The following CHCHD6 variants were observed in gnomAD, a reference collection of about 807,000 sequenced individuals.
CHCHD6 encodes the protein coiled-coil-helix-coiled-coil-helix domain containing 6, also known as MICOS complex subunit MIC25.
CHCHD6 carries 28 observed loss-of-function variants against 32.3 expected under a neutral mutation model. The observed-to-expected ratio is 0.87, with a 90% CI of 0.64 to 1.19. CHCHD6 has a LOEUF of 1.19. Among genes scored for constraint, CHCHD6 ranks in the 50% most tolerant of loss-of-function variants. The pLI, the probability that CHCHD6 is intolerant of heterozygous loss-of-function variation, is 0.00. For missense variants in CHCHD6, 333 were observed against 307.0 expected (o/e 1.08, Z -0.63); for synonymous variants, 122 against 117.5 (o/e 1.04, Z -0.25).
intron 4 of CHCHD6, among the ~76,000 whole-genome samples, chr3:126,785,298 G>C (rs4679293): frequency 6.6e-6 from 1 of 152,012 alleles, no homozygotes; most frequent in Admixed American, 6.6e-5. Context: ...CATATCTCCC[G>C]TGGGCAGCAA....
intron 6 of CHCHD6, among the ~76,000 whole-genome samples, chr3:126,955,054 C>T (rs1341266125): frequency 1.3e-5 from 2 of 152,234 alleles, no homozygotes; most frequent in South Asian, 2.1e-4. Flanking sequence ...ACACTCAGAA[C>T]CAAAGCTGTA....
intron 6 of CHCHD6, among the ~76,000 whole-genome samples, chr3:126,916,275 C>T (rs7644035): frequency 0.57 from 86,886 of 151,592 alleles, 26,205 homozygotes; most frequent in Non-Finnish European, 0.67. Context: ...GTGGCACATG[C>T]CTGTAATCCC....
At chr3:126,928,682 C>T (rs543836640) in intron 6 of CHCHD6, among the ~76,000 whole-genome samples, 3 of 152,318 alleles carry the variant, frequency 2.0e-5, no homozygotes, top group East Asian at 1.9e-4. Context: ...CCCTGGGAAG[C>T]GGAGGCTCTC....
chr3:126,767,881 G>C (rs986276780), intron 4 of CHCHD6, among the ~76,000 whole-genome samples: 3 of 152,114 alleles, frequency 2.0e-5, no homozygotes, highest in Non-Finnish European at 4.4e-5. Context: ...GTTTGCTTAG[G>C]ATAATGGCCT....
At chr3:126,770,418 G>A (rs1418376102) in intron 4 of CHCHD6, among the ~76,000 whole-genome samples, 1 of 152,180 alleles carries the variant, frequency 6.6e-6, no homozygotes, top group African/African-American at 2.4e-5. Flanking sequence ...AGTTTTCAAG[G>A]GGAATGCTTC....
chr3:126,814,337 G>A (rs1447722451), intron 4 of CHCHD6, among the ~76,000 whole-genome samples: 1 of 152,184 alleles, frequency 6.6e-6, no homozygotes, highest in Non-Finnish European at 1.5e-5. Context: ...TTTGGTCTTT[G>A]TCCTCCTTTT....
At chr3:126,732,730 C>T (rs545742282) in intron 3 of CHCHD6, among the ~76,000 whole-genome samples, 1 of 152,350 alleles carries the variant, frequency 6.6e-6, no homozygotes, top group African/African-American at 2.4e-5. Context: ...ACTACCATCT[C>T]AAATCTTCAA....
rs944403271 is a variant in CHCHD6, at chr3:126,803,704, C to G, written c.412-48943C>G. Among the ~76,000 whole-genome samples, 6 of 151,644 alleles carry G rather than the reference C, an allele frequency of 4.0e-5. No individual in the cohort carries two copies. The East Asian group carries it at 1.2e-3, about 29-fold the overall frequency. On this transcript the variant is annotated intron_variant, in intron 4 of 7. Transcript: ENST00000290913. ...ACCCAGGAATTGAACTTGGCTCTGC[C>G]AAGCAGACCTAATAGACATCTACAG...
At chr3:126,798,664 C>T (rs942643221) in intron 4 of CHCHD6, among the ~76,000 whole-genome samples, 4 of 152,144 alleles carry the variant, frequency 2.6e-5, no homozygotes, top group African/African-American at 4.8e-5. Context: ...CTCAAAGCAG[C>T]GGCTGGGCTG....
At chr3:126,898,704 A>G (rs1398809683) in intron 5 of CHCHD6, among the ~76,000 whole-genome samples, 2 of 151,986 alleles carry the variant, frequency 1.3e-5, no homozygotes, top group African/African-American at 2.4e-5. Flanking sequence ...ACGCCCAGCT[A>G]ATTTTTGTAT....
chr3:126,781,892 G>A (rs28408141), intron 4 of CHCHD6, among the ~76,000 whole-genome samples: 2,143 of 152,280 alleles, frequency 0.014, 35 homozygotes, highest in Non-Finnish European at 0.016. Context: ...GGAAGCCCTT[G>A]TCTTTGCCAG....
intron 5 of CHCHD6, among the ~76,000 whole-genome samples, chr3:126,867,672 A>G (rs1404771001): frequency 6.6e-6 from 1 of 152,154 alleles, no homozygotes; most frequent in Non-Finnish European, 1.5e-5. Flanking sequence ...ATGCTGAGAA[A>G]GGCAATCTGA....
rs980798284 is a variant in CHCHD6, at chr3:126,943,744, C to T, written c.567-13672C>T. 4.6e-5 allele frequency among the ~76,000 whole-genome samples: 7 copies of T among 152,154 alleles called. No individual in the cohort carries two copies. The South Asian group carries it at 6.2e-4, about 14-fold the overall frequency. On this transcript the variant is annotated intron_variant, in intron 6 of 7. Coordinates refer to ENST00000290913, the MANE Select transcript of CHCHD6 (RefSeq NM_032343.3). Reference sequence around the variant, plus strand: ...TCTTTGCAATACTTAGGGTTTACCACGGTGTTCTGTGCAGCTCCAGTTTCT... The same window carrying T: ...TCTTTGCAATACTTAGGGTTTACCATGGTGTTCTGTGCAGCTCCAGTTTCT...
At chr3:126,862,262 T>C (rs936297784) in intron 5 of CHCHD6, among the ~76,000 whole-genome samples, 112 of 53,066 alleles carry the variant, frequency 2.1e-3, no homozygotes, top group Non-Finnish European at 2.2e-3. Context: ...TCCTCCTCCA[T>C]CACCTCCTCC....
At chr3:126,746,751 G>T (rs1936520804) in intron 4 of CHCHD6, among the ~76,000 whole-genome samples, 1 of 152,216 alleles carries the variant, frequency 6.6e-6, no homozygotes, top group Non-Finnish European at 1.5e-5. Context: ...TTCCAAAGAG[G>T]TTTTTGATGA....
At chr3:126,822,979 C>T (rs1321784958) in intron 4 of CHCHD6, among the ~76,000 whole-genome samples, 3 of 152,060 alleles carry the variant, frequency 2.0e-5, no homozygotes, top group Non-Finnish European at 2.9e-5. Flanking sequence ...GACTGTGGCT[C>T]ACTGCAGCCT....
intron 1 of CHCHD6, 134 bp from the exon 2 acceptor site, chr3:126,726,944 A>G: frequency 1.5e-6 from 1 of 650,612 alleles, no homozygotes. Context: ...GAGTTTTAGT[A>G]GAATTGCTTT....
At chr3:126,728,749 A>G (rs1026205174) in intron 2 of CHCHD6, among the ~76,000 whole-genome samples, 7 of 152,248 alleles carry the variant, frequency 4.6e-5, no homozygotes, top group Admixed American at 2.6e-4. Context: ...AGAAGAAATA[A>G]GAAGCATTTG....
intron 4 of CHCHD6, among the ~76,000 whole-genome samples, chr3:126,765,771 A>C (rs569738447): frequency 6.6e-6 from 1 of 152,220 alleles, no homozygotes; most frequent in Non-Finnish European, 1.5e-5. Context: ...CCATCACCTG[A>C]TTTTCATTTG....
Sources: gnomAD v4.1 joint callset for allele counts (sites outside exome capture counted in the v4.1 genomes callset) on GRCh38, gnomAD v4.1.1 for gene constraint, MANE v1.5 for transcripts, NCBI Gene and HGNC (gene_info 2026-07-23, HGNC 2026-07-21) for gene names.